Variants in CACNA2D2 observed in about 807,000 individuals in gnomAD.
The protein encoded by CACNA2D2 is voltage-dependent calcium channel subunit alpha-2/delta-2.
In CACNA2D2, 48 loss-of-function variants were observed where a neutral mutation model predicts 166.4. That is an observed-to-expected ratio of 0.29 (90% CI 0.23 to 0.37). CACNA2D2 has a LOEUF of 0.37. CACNA2D2 is among the 10% of genes least tolerant of loss of function. The pLI, the probability that CACNA2D2 is intolerant of heterozygous loss-of-function variation, is 1.00. For missense variants in CACNA2D2, 1,122 were observed against 1,433.0 expected (o/e 0.78, Z 3.50); for synonymous variants, 561 against 573.7 (o/e 0.98, Z 0.32).
chr3:50,459,350 CATAG>C (rs1709499087), intron 2 of CACNA2D2, among the ~76,000 whole-genome samples: 3 of 152,088 alleles, frequency 2.0e-5, no homozygotes. Context: ...CACTGCTGTC[CATAG>C]ATGAAGCACA....
chr3:50,421,614 C>T (rs556028168), intron 3 of CACNA2D2, among the ~76,000 whole-genome samples: 4 of 152,278 alleles, frequency 2.6e-5, no homozygotes, highest in Admixed American at 1.3e-4. Flanking sequence ...TGCTCCCCAA[C>T]TCTTCAGCCC....
rs912283109 is a variant in CACNA2D2 at position 50,427,765 on chromosome 3, G to C, written c.405+6548C>G. Among the ~76,000 whole-genome samples the C allele has an allele frequency of 6.6e-6, 1 of 152,214 alleles. No homozygotes were observed. The highest frequency in any genetic ancestry group is 6.5e-5 in the Admixed American group (1 of 15,290). On this transcript the variant is annotated intron_variant, in intron 3 of 37. Transcript: ENST00000424201. The surrounding 1 kb of genome is among the most constrained non-coding windows in gnomAD (Gnocchi z 4.7). ...ACCCAGAGCCACAGCGCTGGCAACT[G>C]TTCTACAAATGTTCACCAGTTTGCA...
chr3:50,479,346 T>A (rs1697944463), intron 1 of CACNA2D2, among the ~76,000 whole-genome samples: 1 of 152,356 alleles, frequency 6.6e-6, no homozygotes, highest in Non-Finnish European at 1.5e-5. Context: ...CTGGACCTGC[T>A]GGGCAGACCC....
Position 50,379,507 on chromosome 3 carries a change from A to G in CACNA2D2, c.1077T>C (p.Ala359=). Residue 359 remains alanine (A), a synonymous_variant, in exon 11 of 38, where the codon GCT becomes GCC. Coordinates refer to ENST00000424201, the MANE Select transcript of CACNA2D2 (RefSeq NM_006030.4). The surrounding 1 kb of genome is among the most constrained non-coding windows in gnomAD (Gnocchi z 6.5). The part of the protein sequence containing the change: ...NVRNKKVFKE[A]VQGMVAKGTT... Reference sequence around the variant, plus strand: ...TGCCCTTGGCCACCATGCCCTGCACAGCTTCCTTGAACACCTTCTTGTTGC... The same window carrying G: ...TGCCCTTGGCCACCATGCCCTGCACGGCTTCCTTGAACACCTTCTTGTTGC... 2 of 1,614,002 alleles carry G rather than the reference A, an allele frequency of 1.2e-6. No individual in the cohort carries two copies. The highest frequency in any genetic ancestry group is 1.7e-6 in the Non-Finnish European group (2 of 1,180,038).
intron 2 of CACNA2D2, among the ~76,000 whole-genome samples, chr3:50,466,587 A>G (rs1457524005): frequency 6.6e-6 from 1 of 152,220 alleles, no homozygotes; most frequent in Admixed American, 6.5e-5. Context: ...GTGTGCAGGC[A>G]TGTGTGCTCA....
chr3:50,382,236 G>A (rs1705360729), intron 6 of CACNA2D2, among the ~76,000 whole-genome samples: 1 of 152,138 alleles, frequency 6.6e-6, no homozygotes, highest in Non-Finnish European at 1.5e-5. Context: ...AGGCCTCTGT[G>A]CCTCCTTCCT....
Position 50,366,080 on chromosome 3 carries a change from A to G in CACNA2D2, c.2793T>C (p.Tyr931=), listed in dbSNP as rs768438212. 1.2e-6 allele frequency: 2 copies of G among 1,613,870 alleles called. No homozygotes were observed. The highest frequency in any genetic ancestry group is 1.3e-5 in the African/African-American group (1 of 75,004). ...GAGGGGCACAGGCTGCCTGATAGTCATAGGACTCCTTGCGGGTGTAGAAGG... is the reference window on the plus strand; with the variant it reads ...GAGGGGCACAGGCTGCCTGATAGTCGTAGGACTCCTTGCGGGTGTAGAAGG... ...NNSFYTRKES[Y]DYQAACAPQP... The change falls in exon 32 of 38, where the codon TAT becomes TAC. Residue 931 remains tyrosine (Y), a synonymous_variant. Transcript: ENST00000424201. This position sits in a 1 kb window ranked among gnomAD's most constrained non-coding sequence, Gnocchi z 5.9.
rs1306032992 is a variant in CACNA2D2 at position 50,366,681 on chromosome 3, C to G, written c.2590-56G>C. 1 of 1,605,414 alleles carries G rather than the reference C, an allele frequency of 6.2e-7. No homozygotes were observed. The highest frequency in any genetic ancestry group is 2.2e-5 in the East Asian group (1 of 44,848). On this transcript the variant is annotated intron_variant, in intron 29 of 37. Coordinates refer to ENST00000424201, the MANE Select transcript of CACNA2D2 (RefSeq NM_006030.4). The surrounding 1 kb of genome is among the most constrained non-coding windows in gnomAD (Gnocchi z 5.9). ...ACCCACCAGTTTTCCTCCCTCCCATCACCTTTCATACATCCGGTTCCCCAG... is the reference window on the plus strand; with the variant it reads ...ACCCACCAGTTTTCCTCCCTCCCATGACCTTTCATACATCCGGTTCCCCAG...
intron 2 of CACNA2D2, among the ~76,000 whole-genome samples, chr3:50,468,232 T>C (rs1392067419): frequency 6.6e-6 from 1 of 152,142 alleles, no homozygotes; most frequent in Non-Finnish European, 1.5e-5. Context: ...TTTTCAGAGA[T>C]GGATGCATAG....
chr3:50,407,016 A>G (rs562142331), intron 3 of CACNA2D2, among the ~76,000 whole-genome samples: 5 of 151,962 alleles, frequency 3.3e-5, no homozygotes, highest in African/African-American at 1.2e-4. Flanking sequence ...CAACCTGGAT[A>G]TTGGTGCTTG....
chr3:50,376,813 T>A lies in CACNA2D2; in HGVS notation c.1627-625A>T, dbSNP rs2106645411. Reference sequence around the variant, plus strand: ...GTTGTACATACCACACCTCTCCCCCTTCCACAGGCCAAGATGCAGACTCCC... The same window carrying A: ...GTTGTACATACCACACCTCTCCCCCATCCACAGGCCAAGATGCAGACTCCC... On this transcript the variant is annotated intron_variant, in intron 17 of 37. Coordinates refer to ENST00000424201, the MANE Select transcript of CACNA2D2 (RefSeq NM_006030.4). This position sits in a 1 kb window ranked among gnomAD's most constrained non-coding sequence, Gnocchi z 4.3. 6.6e-6 allele frequency among the ~76,000 whole-genome samples: 1 copy of A among 152,314 alleles called. No homozygotes were observed. Among genetic ancestry groups the A allele is most frequent in the East Asian group, 1.9e-4 (1 of 5,182 alleles).
intron 2 of CACNA2D2, among the ~76,000 whole-genome samples, chr3:50,462,706 T>C (rs1254908348): frequency 6.6e-6 from 1 of 151,908 alleles, no homozygotes; most frequent in Non-Finnish European, 1.5e-5. Context: ...AAGTATGTCA[T>C]TTAGAGATAT....
intron 1 of CACNA2D2, among the ~76,000 whole-genome samples, chr3:50,499,870 G>A (rs1178820693): frequency 6.6e-6 from 1 of 152,130 alleles, no homozygotes; most frequent in African/African-American, 2.4e-5. Flanking sequence ...TGGAGTCCAG[G>A]GGAACAGCAG....
chr3:50,364,955 T>C lies in CACNA2D2; in HGVS notation c.3224A>G (p.Gln1075Arg), dbSNP rs1704147195. Residue 1075 changes from glutamine (Q) to arginine (R), a missense_variant, in exon 37 of 38, where the codon CAG (glutamine) becomes CGG (arginine). Transcript: ENST00000424201. ...TCGCGGTCTCTGCACTAGCTCACAC[T>C]GCTCCGGGCCGTCCGCTGGGCATGG... ...QKETHSDGPE[Q>R]CELVQRPRYR... 1 of 1,612,248 alleles carries C rather than the reference T, an allele frequency of 6.2e-7. No homozygotes were observed. Among genetic ancestry groups the C allele is most frequent in the African/African-American group, 1.3e-5 (1 of 74,864 alleles).
intron 2 of CACNA2D2, among the ~76,000 whole-genome samples, chr3:50,461,476 G>A (rs1709578903): frequency 6.6e-6 from 1 of 152,070 alleles, no homozygotes; most frequent in African/African-American, 2.4e-5. Context: ...GGTGGCTCAT[G>A]CCTGTAATCC....
At chr3:50,393,010 G>A (rs1705957756) in intron 4 of CACNA2D2, among the ~76,000 whole-genome samples, 1 of 152,196 alleles carries the variant, frequency 6.6e-6, no homozygotes, top group South Asian at 2.1e-4. Context: ...GCAAGGTGAG[G>A]CAGCCTCAGC....
In CACNA2D2 at chr3:50,364,230, G is replaced by T. The variant is rs2109392114; in HGVS notation, c.*436C>A. 1 of 179,468 alleles carries T rather than the reference G, an allele frequency of 5.6e-6. No homozygotes were observed. The highest frequency in any genetic ancestry group is 1.6e-4 in the East Asian group (1 of 6,188). The allele number at this position is 179,468 out of a possible 1,614,324, so 11.1% of individuals were successfully genotyped here. A position where few individuals can be genotyped will look rare whatever the true frequency, so the allele number is the denominator to read the frequency against. Reference sequence around the variant, plus strand: ...AGCTGGGAGGCACAGGCTTCAAACTGGCCATCTCACCTTCCTCCACTATTC... The same window carrying T: ...AGCTGGGAGGCACAGGCTTCAAACTTGCCATCTCACCTTCCTCCACTATTC... On this transcript the variant is annotated 3_prime_UTR_variant, in exon 38 of 38. Transcript: ENST00000424201.
At chr3:50,402,820 T>C (rs913164352) in intron 3 of CACNA2D2, among the ~76,000 whole-genome samples, 2 of 152,238 alleles carry the variant, frequency 1.3e-5, no homozygotes, top group Non-Finnish European at 2.9e-5. Context: ...TGATCCATAA[T>C]TCATCAACAT....
chr3:50,413,264 G>C (rs1295283225), intron 3 of CACNA2D2, among the ~76,000 whole-genome samples: 1 of 151,946 alleles, frequency 6.6e-6, no homozygotes, highest in African/African-American at 2.4e-5. Context: ...GGTATCTGGT[G>C]CCTTGTCTCA....
Sources: allele counts gnomAD v4.1 joint callset (sites outside exome capture counted in the v4.1 genomes callset), GRCh38; gene constraint gnomAD v4.1.1; non-coding constraint Gnocchi (gnomAD v3.1); transcripts MANE v1.5; gene names NCBI Gene and HGNC (gene_info 2026-07-23, HGNC 2026-07-21).